Variants in UNC79 observed in about 807,000 individuals in gnomAD.
UNC79 encodes unc-79 subunit of NALCN channel complex, also known as protein unc-79 homolog.
Under a neutral mutation model 283.1 loss-of-function variants are expected in UNC79, and 37 were observed. The ratio of observed to expected loss-of-function variants is 0.13; its 90% CI spans 0.10 to 0.17. UNC79 has a LOEUF of 0.17. Ranked by LOEUF, UNC79 falls within the 10% of genes least tolerant of loss-of-function variation. UNC79 has a pLI of 1.00. For missense variants in UNC79, 2,272 were observed against 3,211.1 expected, an observed-to-expected ratio of 0.71 and a Z score of 7.07; for synonymous variants, 1,107 against 1,200.2, an observed-to-expected ratio of 0.92 and a Z score of 1.61.
In UNC79 at chr14:93,556,894, A is replaced by G. The variant is rs1018079520; in HGVS notation, c.1755+14198A>G. On this transcript the variant is annotated intron_variant, in intron 14 of 48. Transcript: ENST00000555664. ...GGGACAAACAGCCAATGCCTCTGGC[A>G]TTTAAGCCTTTTATTCTCCCAAAGG... 3.9e-5 allele frequency among the ~76,000 whole-genome samples: 6 copies of G among 152,190 alleles called. No individual in the cohort carries two copies. The East Asian group carries it at 7.7e-4, about 20-fold the overall frequency.
chr14:93,663,789 A>G (rs1266550389), intron 40 of UNC79, among the ~76,000 whole-genome samples: 1 of 152,096 alleles, frequency 6.6e-6, no homozygotes, highest in Non-Finnish European at 1.5e-5. Flanking sequence ...ATGTAGATCT[A>G]TAAGACACAG....
At chr14:93,447,098 GA>G (rs2056483928) in intron 1 of UNC79, among the ~76,000 whole-genome samples, 1 of 152,006 alleles carries the variant, frequency 6.6e-6, no homozygotes, top group Admixed American at 6.6e-5. Flanking sequence ...TTTTCCTGTT[GA>G]ATACCCCTTT....
intron 14 of UNC79, among the ~76,000 whole-genome samples, chr14:93,569,495 C>T (rs2063093958): frequency 6.6e-6 from 1 of 152,106 alleles, no homozygotes; most frequent in East Asian, 1.9e-4. Context: ...GAATTTAGTT[C>T]TGGATGGTAG....
At chr14:93,609,373 T>C (rs2066132219) in intron 26 of UNC79, among the ~76,000 whole-genome samples, 1 of 152,218 alleles carries the variant, frequency 6.6e-6, no homozygotes, top group Admixed American at 6.5e-5. Flanking sequence ...AAGCAGATCC[T>C]GATCCTGCCT....
intron 8 of UNC79, among the ~76,000 whole-genome samples, chr14:93,527,587 T>G (rs1276774554): frequency 6.6e-6 from 1 of 152,188 alleles, no homozygotes; most frequent in Non-Finnish European, 1.5e-5. Flanking sequence ...GTTTTCACTT[T>G]GAATTACAGG....
exon 30 of UNC79, chr14:93,622,126 T>C: frequency 6.2e-7 from 1 of 1,614,094 alleles, no homozygotes; most frequent in African/African-American, 1.3e-5. Context: ...ACAGCGACTC[T>C]CTTGTATTTG....
chr14:93,404,683 A>G (rs1302490925), intron 1 of UNC79, among the ~76,000 whole-genome samples: 4 of 150,476 alleles, frequency 2.7e-5, no homozygotes, highest in Non-Finnish European at 5.9e-5. Context: ...TAAAAACTAT[A>G]TAAAATAAGA....
At chr14:93,548,027 C>CA (rs919514546) in intron 14 of UNC79, among the ~76,000 whole-genome samples, 5 of 151,460 alleles carry the variant, frequency 3.3e-5, no homozygotes, top group South Asian at 2.1e-4. Flanking sequence ...AAAACAAAAA[C>CA]AAAAAAAACA....
chr14:93,501,006 T>G (rs911185998), intron 7 of UNC79, among the ~76,000 whole-genome samples: 2 of 152,208 alleles, frequency 1.3e-5, no homozygotes, highest in Non-Finnish European at 2.9e-5. Flanking sequence ...GTTTTCCCAG[T>G]GATTTACAGC....
At chr14:93,439,296 A>G (rs999418552) in intron 1 of UNC79, among the ~76,000 whole-genome samples, 1 of 126,552 alleles carries the variant, frequency 7.9e-6, no homozygotes, top group Non-Finnish European at 1.7e-5. Flanking sequence ...TTACTTTAGT[A>G]GGAAAATCTC....
chr14:93,381,746 G>A lies in UNC79; in HGVS notation c.-351+48223G>A, dbSNP rs2054669662. On this transcript the variant is annotated intron_variant, in intron 1 of 49. Coordinates refer to the UNC79 transcript ENST00000256339. ...TATATTTGCATGTGTCACGGGAACT[G>A]CTGGTGTATGAACTTCAAAGAAAGA... 2.0e-5 allele frequency among the ~76,000 whole-genome samples: 3 copies of A among 152,340 alleles called. No homozygotes were observed. The South Asian group carries it at 6.2e-4, about 32-fold the overall frequency.
chr14:93,519,880 A>T (rs1360717722), intron 7 of UNC79, among the ~76,000 whole-genome samples: 1 of 151,680 alleles, frequency 6.6e-6, no homozygotes, highest in Admixed American at 6.6e-5. Flanking sequence ...ATATATTATT[A>T]GCCTCTATTC....
At chr14:93,652,365 C>T (rs61343072) in intron 35 of UNC79, among the ~76,000 whole-genome samples, 2,555 of 152,262 alleles carry the variant, frequency 0.017, 70 homozygotes, top group African/African-American at 0.058. Context: ...AAGTGATCCT[C>T]CCACCTCAGC....
intron 23 of UNC79, among the ~76,000 whole-genome samples, chr14:93,595,305 G>C (rs1371522343): frequency 6.6e-6 from 1 of 152,028 alleles, no homozygotes; most frequent in Non-Finnish European, 1.5e-5. Flanking sequence ...GGCCAGGCTG[G>C]TCTTGAACTC....
chr14:93,695,144 C>T (rs2075001322), intron 47 of UNC79, among the ~76,000 whole-genome samples: 1 of 152,118 alleles, frequency 6.6e-6, no homozygotes, highest in South Asian at 2.1e-4. Flanking sequence ...ACCTCTTTGT[C>T]TCTCTGATCC....
At chr14:93,604,136 A>G (rs553762317) in intron 26 of UNC79, among the ~76,000 whole-genome samples, 1 of 152,212 alleles carries the variant, frequency 6.6e-6, no homozygotes, top group African/African-American at 2.4e-5. Flanking sequence ...TTAAAAATTC[A>G]TTACTAAATC....
At chr14:93,655,634 C>A (rs2070836814) in intron 38 of UNC79, among the ~76,000 whole-genome samples, 1 of 138,176 alleles carries the variant, frequency 7.2e-6, no homozygotes. Flanking sequence ...TGCATGTTTC[C>A]AGTTGATTTG....
chr14:93,706,837 C>T (rs746234849), exon 49 of UNC79: 14 of 1,614,102 alleles, frequency 8.7e-6, no homozygotes, highest in Non-Finnish European at 1.2e-5. Context: ...TTGCAGTGCA[C>T]TCAGTTCAAA....
chr14:93,333,555 G>C (rs2053503250), intron 1 of UNC79: 1 of 396,978 alleles, frequency 2.5e-6, no homozygotes, highest in African/African-American at 2.1e-5. Context: ...ACTTTTACAG[G>C]CACCACCTTG....
Sources: allele counts gnomAD v4.1 joint callset (sites outside exome capture counted in the v4.1 genomes callset), GRCh38; gene constraint gnomAD v4.1.1; transcripts MANE v1.5; gene names NCBI Gene and HGNC (gene_info 2026-07-23, HGNC 2026-07-21).